KCNIP4: variants seen among roughly 807,000 people sequenced by gnomAD.
KCNIP4 encodes the protein potassium voltage-gated channel interacting protein 4.
Under a neutral mutation model 34.0 loss-of-function variants are expected in KCNIP4, and 12 were observed. That is an observed-to-expected ratio of 0.35 (90% CI 0.23 to 0.57). The LOEUF (loss-of-function observed/expected upper bound fraction) is 0.57, where lower values mean the gene tolerates loss of function less well. Among genes scored for constraint, KCNIP4 ranks in the 20% least tolerant of loss-of-function variants. The probability of loss-of-function intolerance (pLI) is 0.83; values close to 1 mark genes in which losing one functional copy is unlikely to be tolerated. For missense variants in KCNIP4, 238 were observed against 311.7 expected (o/e 0.76, Z 1.78); for synonymous variants, 124 against 102.2 (o/e 1.21, Z -1.29).
intron 1 of KCNIP4, among the ~76,000 whole-genome samples, chr4:21,641,367 C>T (rs1746602878): frequency 6.6e-6 from 1 of 152,204 alleles, no homozygotes; most frequent in African/African-American, 2.4e-5. Context: ...CACTACAGTC[C>T]TTTTCTAGCA....
chr4:21,610,314 T>C (rs1338253082), intron 1 of KCNIP4, among the ~76,000 whole-genome samples: 1 of 152,238 alleles, frequency 6.6e-6, no homozygotes, highest in Non-Finnish European at 1.5e-5. Context: ...CCTTTCTCCT[T>C]GGCTTGAAGA....
intron 1 of KCNIP4, chr4:21,464,908 C>T (rs1375085217): frequency 3.9e-5 from 6 of 151,956 alleles, no homozygotes; most frequent in Non-Finnish European, 7.4e-5. Context: ...TGAGTAACAC[C>T]CCTCTACGAC....
At chr4:21,207,612 A>C (rs1026814386) in intron 1 of KCNIP4, among the ~76,000 whole-genome samples, 4 of 152,146 alleles carry the variant, frequency 2.6e-5, no homozygotes, top group African/African-American at 7.2e-5. Context: ...GGTTGGTCAC[A>C]TCAAAAAACA....
At chr4:21,071,615 T>G (rs918914504) in intron 1 of KCNIP4, among the ~76,000 whole-genome samples, 1 of 152,182 alleles carries the variant, frequency 6.6e-6, no homozygotes, top group Non-Finnish European at 1.5e-5. Flanking sequence ...TATATATATC[T>G]GTTGGGATTT....
chr4:21,395,198 G>C (rs1342267766), intron 1 of KCNIP4, among the ~76,000 whole-genome samples: 1 of 152,040 alleles, frequency 6.6e-6, no homozygotes, highest in East Asian at 1.9e-4. Context: ...GAGAAATAAG[G>C]CTTCCATAAA....
intron 1 of KCNIP4, chr4:21,853,035 A>G (rs1215356144): frequency 6.6e-6 from 1 of 152,122 alleles, no homozygotes; most frequent in Non-Finnish European, 1.5e-5. Flanking sequence ...TGAATTAGGA[A>G]AAAACATTCT....
intron 3 of KCNIP4, among the ~76,000 whole-genome samples, chr4:20,765,440 G>A (rs975484553): frequency 6.6e-6 from 1 of 152,138 alleles, no homozygotes; most frequent in Non-Finnish European, 1.5e-5. Flanking sequence ...TGGGATCACC[G>A]ATTAAAATTT....
intron 1 of KCNIP4, among the ~76,000 whole-genome samples, chr4:21,456,681 A>G (rs1194246273): frequency 7.8e-6 from 1 of 128,930 alleles, no homozygotes; most frequent in African/African-American, 3.9e-5. Context: ...TAAGTCGCGT[A>G]TTTGTGGGGT....
chr4:21,505,118 G>C (rs1733725377), intron 1 of KCNIP4, among the ~76,000 whole-genome samples: 1 of 152,154 alleles, frequency 6.6e-6, no homozygotes, highest in African/African-American at 2.4e-5. Flanking sequence ...TTTCAAAGCA[G>C]TGTCATATAT....
intron 1 of KCNIP4, among the ~76,000 whole-genome samples, chr4:21,447,202 T>C (rs901944359): frequency 3.3e-5 from 5 of 152,090 alleles, no homozygotes; most frequent in Non-Finnish European, 5.9e-5. Flanking sequence ...GATTTGATAA[T>C]TGAAAAAGTA....
At chr4:21,294,795 A>C (rs1763743670) in intron 1 of KCNIP4, among the ~76,000 whole-genome samples, 1 of 152,194 alleles carries the variant, frequency 6.6e-6, no homozygotes, top group African/African-American at 2.4e-5. Flanking sequence ...AGTTCCAATA[A>C]ATATGTATTA....
chr4:21,334,862 T>C (rs115987785), intron 1 of KCNIP4, among the ~76,000 whole-genome samples: 224 of 152,292 alleles, frequency 1.5e-3, no homozygotes, highest in African/African-American at 5.1e-3. Context: ...CTACATCATG[T>C]TCCATTCTGT....
chr4:21,775,943 C>G (rs572369579), intron 1 of KCNIP4, among the ~76,000 whole-genome samples: 1 of 152,316 alleles, frequency 6.6e-6, no homozygotes, highest in Non-Finnish European at 1.5e-5. Flanking sequence ...ATGGGTTAGA[C>G]AGCAGGCAGC....
intron 3 of KCNIP4, among the ~76,000 whole-genome samples, chr4:20,807,482 C>T (rs1715232003): frequency 6.6e-6 from 1 of 151,288 alleles, no homozygotes; most frequent in Admixed American, 6.6e-5. Context: ...ATAGTTTTTA[C>T]AATTTTAATT....
At chr4:21,765,025 C>A (rs1030246030) in intron 1 of KCNIP4, among the ~76,000 whole-genome samples, 2 of 152,028 alleles carry the variant, frequency 1.3e-5, no homozygotes, top group African/African-American at 4.8e-5. Context: ...CTAGTGTTTC[C>A]TCCCCAAATT....
intron 1 of KCNIP4, among the ~76,000 whole-genome samples, chr4:21,108,825 C>T (rs1165267194): frequency 2.0e-5 from 3 of 152,130 alleles, no homozygotes; most frequent in South Asian, 2.1e-4. Context: ...CAGACAGGAC[C>T]CTCAGCTGCA....
intron 1 of KCNIP4, among the ~76,000 whole-genome samples, chr4:21,432,646 A>G (rs1466181946): frequency 2.0e-4 from 30 of 152,212 alleles, no homozygotes; most frequent in Admixed American, 2.0e-3. Flanking sequence ...ATGATGCTCA[A>G]TGAATGGAAG....
chr4:21,285,723 C>T (rs1301773913), intron 1 of KCNIP4, among the ~76,000 whole-genome samples: 2 of 152,034 alleles, frequency 1.3e-5, no homozygotes, highest in Non-Finnish European at 1.5e-5. Flanking sequence ...TGTCTGTAAT[C>T]CCAGCTACTT....
At chr4:20,794,306 A>G (rs1225003104) in intron 3 of KCNIP4, among the ~76,000 whole-genome samples, 1 of 152,104 alleles carries the variant, frequency 6.6e-6, no homozygotes. Context: ...CTCAGGCAGT[A>G]ATGTGAGCAA....
Sources: gnomAD v4.1 joint callset for allele counts (sites outside exome capture counted in the v4.1 genomes callset) on GRCh38, gnomAD v4.1.1 for gene constraint, MANE v1.5 for transcripts, NCBI Gene and HGNC (gene_info 2026-07-23, HGNC 2026-07-21) for gene names.